Variants in CNTNAP2 observed in about 807,000 individuals in gnomAD.
The protein encoded by CNTNAP2 is contactin associated protein 2.
In CNTNAP2, 98 loss-of-function variants were observed where a neutral mutation model predicts 155.2. The ratio of observed to expected loss-of-function variants is 0.63; its 90% confidence interval spans 0.54 to 0.75. The LOEUF is 0.75. Ranked by LOEUF, CNTNAP2 falls within the 30% of genes least tolerant of loss-of-function variation. The probability of loss-of-function intolerance (pLI) is 0.00; values close to 1 mark genes in which losing one functional copy is unlikely to be tolerated. For synonymous variants in CNTNAP2, 651 were observed against 631.2 expected (o/e 1.03, Z -0.47); for missense variants, 1,727 against 1,688.1 (o/e 1.02, Z -0.40).
intron 1 of CNTNAP2, among the ~76,000 whole-genome samples, chr7:146,663,890 T>A (rs1006431323): frequency 6.7e-6 from 1 of 150,136 alleles, no homozygotes; most frequent in Non-Finnish European, 1.5e-5. Flanking sequence ...GTTATTACAT[T>A]GATTAGGACC....
At position 146,882,893 on chromosome 7, in the gene CNTNAP2, C is replaced by A. The variant is rs549324279; in HGVS notation, c.402+42989C>A. Among the ~76,000 whole-genome samples, 7 of 152,176 alleles carry A rather than the reference C, an allele frequency of 4.6e-5. No homozygotes were observed. In the South Asian group the frequency reaches 1.5e-3, roughly 32 times the overall value. On this transcript the variant is annotated intron_variant, in intron 3 of 23. Coordinates refer to ENST00000361727, the MANE Select transcript of CNTNAP2 (RefSeq NM_014141.6). ...GCTGAAGAATCTCCACAAGGAGAAC[C>A]ATAAAACACTGCTGAAAGAAATCAG...
chr7:148,197,077 A>G (rs898665776), intron 18 of CNTNAP2, among the ~76,000 whole-genome samples: 1 of 152,264 alleles, frequency 6.6e-6, no homozygotes, highest in Non-Finnish European at 1.5e-5. Context: ...AATATATTAC[A>G]GAATTAATGT....
intron 3 of CNTNAP2, among the ~76,000 whole-genome samples, chr7:147,012,530 A>G (rs1225983061): frequency 6.6e-6 from 1 of 152,186 alleles, no homozygotes; most frequent in Non-Finnish European, 1.5e-5. Context: ...TTAATTTGAA[A>G]TTGAACCTAA....
At chr7:148,278,565 ATCTC>A (rs1796920059) in intron 21 of CNTNAP2, among the ~76,000 whole-genome samples, 1 of 135,898 alleles carries the variant, frequency 7.4e-6, no homozygotes, top group Non-Finnish European at 1.5e-5. Context: ...GTGAGACTAC[ATCTC>A]AAAAAAAAAA....
At chr7:147,402,126 C>T (rs1488546109) in intron 10 of CNTNAP2, among the ~76,000 whole-genome samples, 2 of 152,212 alleles carry the variant, frequency 1.3e-5, no homozygotes, top group Admixed American at 6.5e-5. Context: ...TGTAATCACT[C>T]CTCCTTTCCG....
At chr7:147,207,968 A>C (rs1270602612) in intron 8 of CNTNAP2, among the ~76,000 whole-genome samples, 1 of 152,200 alleles carries the variant, frequency 6.6e-6, no homozygotes, top group African/African-American at 2.4e-5. Flanking sequence ...TCATCTTTGT[A>C]CTTACGAAAT....
At chr7:147,239,510 CAA>C (rs74785209) in intron 8 of CNTNAP2, among the ~76,000 whole-genome samples, 27 of 74,840 alleles carry the variant, frequency 3.6e-4, no homozygotes, top group Admixed American at 8.3e-4. Flanking sequence ...ACTCCGTTTC[CAA>C]AAAAAAAAAA....
chr7:147,455,994 A>C (rs1403740403), intron 10 of CNTNAP2, among the ~76,000 whole-genome samples: 1 of 152,122 alleles, frequency 6.6e-6, no homozygotes, highest in Non-Finnish European at 1.5e-5. Context: ...CAAAAACAAA[A>C]ACATTCTGTA....
chr7:147,023,852 A>G (rs1196579801), intron 3 of CNTNAP2, among the ~76,000 whole-genome samples: 7 of 152,192 alleles, frequency 4.6e-5, no homozygotes, highest in Admixed American at 4.6e-4. Flanking sequence ...TTTTTAAAAG[A>G]CTATTATTCC....
At chr7:147,323,595 G>A (rs972709176) in intron 9 of CNTNAP2, among the ~76,000 whole-genome samples, 10 of 151,606 alleles carry the variant, frequency 6.6e-5, no homozygotes, top group South Asian at 2.1e-4. Context: ...TATTAGGTCC[G>A]CTTGGTGCAG....
intron 1 of CNTNAP2, among the ~76,000 whole-genome samples, chr7:146,561,272 C>T (rs1380491684): frequency 6.6e-6 from 1 of 152,064 alleles, no homozygotes; most frequent in Non-Finnish European, 1.5e-5. Context: ...AATTGTACAA[C>T]CAGAATTTAC....
chr7:148,030,619 T>C (rs534824392), intron 15 of CNTNAP2, among the ~76,000 whole-genome samples: 2 of 151,792 alleles, frequency 1.3e-5, no homozygotes, highest in South Asian at 4.2e-4. Flanking sequence ...CCTTTGTTTG[T>C]AGAGTTACAA....
chr7:147,300,039 G>C, intron 8 of CNTNAP2, 102 bp from the exon 9 acceptor site: 1 of 1,313,420 alleles, frequency 7.6e-7, no homozygotes, highest in Non-Finnish European at 1.1e-6. Flanking sequence ...TTTTCCAAGA[G>C]AAAAATACTT....
intron 16 of CNTNAP2, among the ~76,000 whole-genome samples, chr7:148,128,963 G>A (rs1453257298): frequency 1.3e-5 from 2 of 151,990 alleles, no homozygotes; most frequent in East Asian, 3.9e-4. Flanking sequence ...ATCGTGGAGG[G>A]TACCTTCCTG....
chr7:147,974,318 C>T (rs932257579), intron 14 of CNTNAP2, among the ~76,000 whole-genome samples: 1 of 152,000 alleles, frequency 6.6e-6, no homozygotes, highest in African/African-American at 2.4e-5. Flanking sequence ...ATATATAAAC[C>T]AACATTACTG....
intron 9 of CNTNAP2, among the ~76,000 whole-genome samples, chr7:147,395,205 CAAG>C (rs1028521483): frequency 2.6e-5 from 4 of 151,822 alleles, no homozygotes; most frequent in Admixed American, 6.6e-5. Context: ...ATCAAAGAAA[CAAG>C]AAGAAGAAAG....
At chr7:146,397,635 T>C (rs939674584) in intron 1 of CNTNAP2, among the ~76,000 whole-genome samples, 13 of 152,132 alleles carry the variant, frequency 8.5e-5, no homozygotes, top group African/African-American at 1.2e-4. Flanking sequence ...ATGTTTCCAA[T>C]AGTTTAAGTG....
At chr7:147,411,407 A>T (rs756133080) in intron 10 of CNTNAP2, among the ~76,000 whole-genome samples, 9 of 152,200 alleles carry the variant, frequency 5.9e-5, no homozygotes, top group Non-Finnish European at 1.3e-4. Flanking sequence ...GGGTCTCAGT[A>T]AGAAAGTGCT....
At chr7:147,648,345 A>C (rs188008581) in intron 13 of CNTNAP2, among the ~76,000 whole-genome samples, 48 of 152,354 alleles carry the variant, frequency 3.2e-4, no homozygotes, top group Non-Finnish European at 6.2e-4. Flanking sequence ...TGTCTTGAAC[A>C]ATACCATTCT....
Sources: allele counts gnomAD v4.1 joint callset (sites outside exome capture counted in the v4.1 genomes callset), GRCh38; gene constraint gnomAD v4.1.1; transcripts MANE v1.5; gene names NCBI Gene and HGNC (gene_info 2026-07-23, HGNC 2026-07-21).